Variants in TRPM3 observed in about 807,000 individuals in gnomAD.
The protein encoded by TRPM3 is transient receptor potential cation channel subfamily M member 3.
Under a neutral mutation model 181.2 loss-of-function variants are expected in TRPM3, and 77 were observed. That is an observed-to-expected ratio of 0.42 (90% CI 0.35 to 0.51). The LOEUF (loss-of-function observed/expected upper bound fraction) is 0.51, where lower values mean the gene tolerates loss of function less well. Ranked by LOEUF, TRPM3 falls within the 20% of genes least tolerant of loss-of-function variation. The pLI is 0.01. For synonymous variants in TRPM3, 745 were observed against 796.4 expected, an observed-to-expected ratio of 0.94 and a Z score of 1.09; for missense variants, 1,759 against 2,196.7, an observed-to-expected ratio of 0.80 and a Z score of 3.98.
At position 71,308,585 on chromosome 9, in the gene TRPM3, T is replaced by G; in HGVS notation, c.183+138068A>C. Among the ~76,000 whole-genome samples the G allele has an allele frequency of 1.3e-5, 2 of 152,084 alleles. 1 individual carries two copies. Among genetic ancestry groups the G allele is most frequent in the Non-Finnish European group, 2.9e-5 (2 of 68,018 alleles). On this transcript the variant is annotated intron_variant, in intron 1 of 24. Transcript: ENST00000357533. Reference sequence around the variant, plus strand: ...AATCATTTTCTTTTTGTAGGATCAGTTGGAGGTTAGGTAGGACTTGGTCTG... The same window carrying G: ...AATCATTTTCTTTTTGTAGGATCAGGTGGAGGTTAGGTAGGACTTGGTCTG...
intron 1 of TRPM3, among the ~76,000 whole-genome samples, chr9:71,022,973 C>T (rs1173142913): frequency 6.6e-6 from 1 of 151,872 alleles, no homozygotes; most frequent in East Asian, 1.9e-4. Context: ...AAAAGCAGAA[C>T]CCATAAAAGA....
At chr9:71,072,921 C>T (rs2062964937) in intron 1 of TRPM3, among the ~76,000 whole-genome samples, 1 of 152,154 alleles carries the variant, frequency 6.6e-6, no homozygotes, top group Non-Finnish European at 1.5e-5. Context: ...TCATTACCTC[C>T]TCCTCCCTAC....
intron 1 of TRPM3, among the ~76,000 whole-genome samples, chr9:70,966,599 G>A (rs1027213866): frequency 6.6e-6 from 1 of 152,120 alleles, no homozygotes; most frequent in Non-Finnish European, 1.5e-5. Context: ...TAGAAACATG[G>A]ATGGAGCTGG....
At chr9:71,050,235 T>C (rs529820052) in intron 1 of TRPM3, among the ~76,000 whole-genome samples, 1 of 152,324 alleles carries the variant, frequency 6.6e-6, no homozygotes, top group African/African-American at 2.4e-5. Flanking sequence ...AATATGATGC[T>C]GGGGATGGAG....
In TRPM3 at chr9:71,109,716, G is replaced by A. The variant is rs567520492; in HGVS notation, c.177+11462C>T. Among the ~76,000 whole-genome samples the A allele has an allele frequency of 3.3e-5, 5 of 152,236 alleles. No homozygotes were observed. The South Asian group carries it at 1.0e-3, about 32-fold the overall frequency. The stretch of plus-strand genomic sequence containing the variant: ...TCTATAATCTAGTTGGGCCTCAGAT[G>A]AAGAGAGACGGTAACAGGGGCAAAT... On this transcript the variant is annotated intron_variant, in intron 1 of 25. Transcript: ENST00000677713.
chr9:71,134,334 G>T lies in TRPM3; in HGVS notation c.184-269823C>A, dbSNP rs181658601. Among the ~76,000 whole-genome samples, 1,106 of 151,998 alleles carry T rather than the reference G, an allele frequency of 7.3e-3. 7 individuals carry two copies. The highest frequency in any genetic ancestry group is 0.051 in the Middle Eastern group (15 of 294). On this transcript the variant is annotated intron_variant, in intron 1 of 24. Transcript: ENST00000357533. ...AATCCCAGCACTTTGGGAGGCCAAG[G>T]GGGGAGGATCATGAAGTCACCATCC... is the stretch of plus-strand genomic sequence containing the variant.
chr9:70,934,941 T>C (rs901150422), intron 1 of TRPM3, among the ~76,000 whole-genome samples: 2 of 152,114 alleles, frequency 1.3e-5, no homozygotes, highest in Admixed American at 6.5e-5. Flanking sequence ...ATTCCACAGG[T>C]GAGATATTTG....
In TRPM3 at chr9:70,553,795, C is replaced by CT. The variant is rs547599683; in HGVS notation, c.3224-486dup. 2.5e-3 allele frequency among the ~76,000 whole-genome samples: 379 copies of CT among 152,338 alleles called. 4 individuals are homozygous for CT. Among genetic ancestry groups the CT allele is most frequent in the African/African-American group, 8.9e-3 (370 of 41,566 alleles). On this transcript the variant is annotated intron_variant, in intron 22 of 25. Transcript: ENST00000677713. Reference sequence around the variant, plus strand: ...TTAACAACAGGGCAGCTGTTAATTGCTGCAAGAAACAACCTGGGAGCTCCA... The same window carrying CT: ...TTAACAACAGGGCAGCTGTTAATTGCTTGCAAGAAACAACCTGGGAGCTCCA...
intron 1 of TRPM3, among the ~76,000 whole-genome samples, chr9:71,442,775 T>G (rs960998983): frequency 6.6e-6 from 1 of 152,236 alleles, no homozygotes; most frequent in African/African-American, 2.4e-5. Flanking sequence ...ACACATGCTG[T>G]GGTGAGCAGC....
At chr9:70,977,426 G>A (rs1163863018) in intron 1 of TRPM3, among the ~76,000 whole-genome samples, 2 of 152,194 alleles carry the variant, frequency 1.3e-5, no homozygotes, top group East Asian at 1.9e-4. Flanking sequence ...GAGCCACCAC[G>A]CCTGGCCCAG....
chr9:70,763,474 C>T lies in TRPM3; in HGVS notation c.1149-1750G>A, dbSNP rs531776302. Among the ~76,000 whole-genome samples, 4 of 152,092 alleles carry T rather than the reference C, an allele frequency of 2.6e-5. No homozygotes were observed. In the East Asian group the frequency reaches 7.7e-4, roughly 29 times the overall value. ...CCAAGATCACACCACTGCACTCCAG[C>T]CTGGGTGACAGGGCCAGAACCTGTC... On this transcript the variant is annotated intron_variant, in intron 7 of 25. Coordinates refer to ENST00000677713, the MANE Select transcript of TRPM3 (RefSeq NM_001366145.2).
chr9:71,093,219 G>A (rs544211695), intron 1 of TRPM3, among the ~76,000 whole-genome samples: 189 of 152,172 alleles, frequency 1.2e-3, no homozygotes, highest in African/African-American at 4.2e-3. Flanking sequence ...TGCAACAGAA[G>A]CCAAAATTAC....
chr9:70,652,228 ATTACT>A (rs984672866), intron 9 of TRPM3, among the ~76,000 whole-genome samples: 2 of 152,064 alleles, frequency 1.3e-5, no homozygotes, highest in African/African-American at 4.8e-5. Flanking sequence ...AGGAAAGATG[ATTACT>A]TTGTTTATAT....
At chr9:70,634,562 A>G (rs774988720) in intron 12 of TRPM3, among the ~76,000 whole-genome samples, 4 of 152,176 alleles carry the variant, frequency 2.6e-5, no homozygotes, top group Non-Finnish European at 5.9e-5. Flanking sequence ...AAATGAACTG[A>G]ACTTTAAACC....
chr9:70,628,951 A>T (rs2065192645), intron 12 of TRPM3, among the ~76,000 whole-genome samples: 1 of 151,842 alleles, frequency 6.6e-6, no homozygotes, highest in Non-Finnish European at 1.5e-5. Context: ...TTGCTTGAAG[A>T]CCAATACTGA....
intron 8 of TRPM3, among the ~76,000 whole-genome samples, chr9:70,697,714 C>G (rs17055668): frequency 0.051 from 7,816 of 152,264 alleles, 231 homozygotes; most frequent in South Asian, 0.11. Context: ...GTGGACCTCT[C>G]TGACTACTTG....
intron 1 of TRPM3, among the ~76,000 whole-genome samples, chr9:71,391,163 T>G (rs1433050219): frequency 6.6e-6 from 1 of 151,984 alleles, no homozygotes; most frequent in Non-Finnish European, 1.5e-5. Flanking sequence ...GGAAACTGAG[T>G]GTCTATTATG....
At chr9:71,296,432 A>T (rs534199751) in intron 1 of TRPM3, among the ~76,000 whole-genome samples, 6 of 152,314 alleles carry the variant, frequency 3.9e-5, no homozygotes, top group Admixed American at 3.9e-4. Flanking sequence ...GACCTAGACT[A>T]GAATACAAAG....
intron 22 of TRPM3, among the ~76,000 whole-genome samples, chr9:70,568,660 C>G (rs550795834): frequency 6.6e-6 from 1 of 152,324 alleles, no homozygotes; most frequent in South Asian, 2.1e-4. Context: ...AGGCAAGTAA[C>G]TTGCACAATG....
Sources: gnomAD v4.1 joint callset for allele counts (sites outside exome capture counted in the v4.1 genomes callset) on GRCh38, gnomAD v4.1.1 for gene constraint, MANE v1.5 for transcripts, NCBI Gene and HGNC (gene_info 2026-07-23, HGNC 2026-07-21) for gene names.